The following FZD3 variants were observed in gnomAD, a reference collection of about 807,000 sequenced individuals.
FZD3 encodes frizzled class receptor 3, also known as frizzled-3.
Under a neutral mutation model 60.7 loss-of-function variants are expected in FZD3, and 30 were observed. The observed-to-expected ratio is 0.49, with a 90% CI of 0.37 to 0.67. The LOEUF (loss-of-function observed/expected upper bound fraction) is 0.67. Among genes scored for constraint, FZD3 ranks in the 30% least tolerant of loss-of-function variants. The pLI, the probability that FZD3 is intolerant of heterozygous loss-of-function variation, is 0.00. For synonymous variants in FZD3, 246 were observed against 275.2 expected (o/e 0.89, Z 1.05); for missense variants, 605 against 838.7 (o/e 0.72, Z 3.44).
chr8:28,567,875 AC>A lies in FZD3; in HGVS notation c.*4865del, dbSNP rs932271577. 1 of 152,186 alleles carries A rather than the reference AC, an allele frequency of 6.6e-6. No homozygotes were observed. Among genetic ancestry groups the A allele is most frequent in the Non-Finnish European group, 1.5e-5 (1 of 68,020 alleles). 9.4% of individuals were successfully genotyped at this position (152,186 alleles called of 1,614,324 possible). On this transcript the variant is annotated 3_prime_UTR_variant, in exon 8 of 8. Coordinates refer to ENST00000240093, the MANE Select transcript of FZD3 (RefSeq NM_017412.4). ...TCCTTTTATATGAAATTGTATAAGT[AC>A]ATTAGCTTGACTTAAATTATAAAAA...
intron 3 of FZD3, among the ~76,000 whole-genome samples, chr8:28,506,309 T>C (rs1024582911): frequency 6.6e-6 from 1 of 152,250 alleles, no homozygotes; most frequent in Admixed American, 6.5e-5. Flanking sequence ...ATTCTGTCAC[T>C]AACTAGGTTT....
At position 28,520,763 on chromosome 8, in the gene FZD3, G is replaced by T; in HGVS notation, c.315G>T (p.Arg105=). 6.2e-7 allele frequency: 1 copy of T among 1,611,786 alleles called. No homozygotes were observed. Among genetic ancestry groups the T allele is most frequent in the Non-Finnish European group, 8.5e-7 (1 of 1,178,740 alleles). Residue 105 remains arginine (R), a synonymous_variant, in exon 4 of 8, where the codon CGG becomes CGT. Transcript: ENST00000240093. ...VTLPCRRLCQ[R]AYSECSKLME... ...TTCCCTGTCGTAGGCTGTGTCAGCG[G>T]GCTTACAGTGAGTGTTCGAAGCTCA... is the stretch of plus-strand genomic sequence containing the variant.
In FZD3 at chr8:28,527,246, T is replaced by C. The variant is rs1585972160; in HGVS notation, c.486T>C (p.Gly162=). 6.2e-7 allele frequency: 1 copy of C among 1,612,556 alleles called. No individual in the cohort carries two copies. Among genetic ancestry groups the C allele is most frequent in the Admixed American group, 1.7e-5 (1 of 59,956 alleles). ...GAPVAVQRDY[G]FWCPRELKID... Reference sequence around the variant, plus strand: ...CAGTGGCAGTGCAGAGAGACTATGGTTTTTGGTGTCCCCGAGAGTTAAAAA... The same window carrying C: ...CAGTGGCAGTGCAGAGAGACTATGGCTTTTGGTGTCCCCGAGAGTTAAAAA... Residue 162 remains glycine (G), a synonymous_variant, in exon 5 of 8, where the codon GGT becomes GGC. Transcript: ENST00000240093. The surrounding 1 kb of genome is among the most constrained non-coding windows in gnomAD (Gnocchi z 5.0).
At chr8:28,517,929 TAA>T (rs1804474885) in intron 3 of FZD3, among the ~76,000 whole-genome samples, 1 of 152,242 alleles carries the variant, frequency 6.6e-6, no homozygotes, top group African/African-American at 2.4e-5. Flanking sequence ...AATTTTTTAC[TAA>T]GTGCTAGACG....
chr8:28,541,612 C>G (rs935450230), intron 5 of FZD3, among the ~76,000 whole-genome samples: 1 of 152,192 alleles, frequency 6.6e-6, no homozygotes, highest in African/African-American at 2.4e-5. Context: ...ATAATCTTAT[C>G]CAGTCCCATG....
At chr8:28,499,587 CTTT>C (rs905906926) in intron 1 of FZD3, among the ~76,000 whole-genome samples, 1 of 147,944 alleles carries the variant, frequency 6.8e-6, no homozygotes, top group Non-Finnish European at 1.5e-5. Flanking sequence ...TAAGTAGCCA[CTTT>C]TTTTTTTAAG....
At chr8:28,514,922 A>C (rs1284656792) in intron 3 of FZD3, among the ~76,000 whole-genome samples, 1 of 152,166 alleles carries the variant, frequency 6.6e-6, no homozygotes, top group African/African-American at 2.4e-5. Flanking sequence ...AGACCATTTT[A>C]CAGAAGAGGA....
At chr8:28,526,136 G>A (rs1235301925) in intron 4 of FZD3, among the ~76,000 whole-genome samples, 1 of 151,892 alleles carries the variant, frequency 6.6e-6, no homozygotes, top group Non-Finnish European at 1.5e-5. Context: ...ATTAGTATTG[G>A]GTAACATGGG....
Position 28,571,712 on chromosome 8 carries a change from C to T in FZD3, c.*8701C>T, listed in dbSNP as rs1464301839. 17 of 152,040 alleles carry T rather than the reference C, an allele frequency of 1.1e-4. No individual in the cohort carries two copies. In the East Asian group the frequency reaches 3.3e-3, roughly 29 times the overall value. 9.4% of individuals were successfully genotyped at this position (152,040 alleles called of 1,614,324 possible). On this transcript the variant is annotated 3_prime_UTR_variant, in exon 8 of 8. Coordinates refer to ENST00000240093, the MANE Select transcript of FZD3 (RefSeq NM_017412.4). ...TTCTCATTGAAGTGTAAAAGTATCA[C>T]ATATATGAAGGAATGGCTGGTTTAG...
At chr8:28,526,902 G>C (rs1396924935) in intron 4 of FZD3, among the ~76,000 whole-genome samples, 1 of 152,060 alleles carries the variant, frequency 6.6e-6, no homozygotes, top group East Asian at 1.9e-4. Flanking sequence ...ACACAACCTT[G>C]TTTTCTTTGT....
chr8:28,548,819 A>G (rs775663473), intron 5 of FZD3, among the ~76,000 whole-genome samples: 7 of 152,184 alleles, frequency 4.6e-5, no homozygotes, highest in Non-Finnish European at 8.8e-5. Flanking sequence ...TAAATCAAGG[A>G]GAATCTGCAT....
intron 5 of FZD3, among the ~76,000 whole-genome samples, chr8:28,537,706 A>G (rs867111607): frequency 3.9e-5 from 6 of 152,342 alleles, no homozygotes; most frequent in African/African-American, 1.4e-4. Context: ...TCATTCTTTT[A>G]TAACAGTGGT....
At chr8:28,521,393 A>G (rs1344816353) in intron 4 of FZD3, among the ~76,000 whole-genome samples, 1 of 152,060 alleles carries the variant, frequency 6.6e-6, no homozygotes, top group Non-Finnish European at 1.5e-5. Flanking sequence ...TTAATAATAT[A>G]CTATATTTAT....
rs553015944 is a variant in FZD3 at position 28,558,920 on chromosome 8, A to G, written c.1787+2949A>G. Among the ~76,000 whole-genome samples the G allele has an allele frequency of 4.5e-4, 69 of 152,358 alleles. 1 individual carries two copies. In the South Asian group the frequency reaches 0.013, roughly 29 times the overall value. Reference sequence around the variant, plus strand: ...GATGTAATTTATGCATTCTAGGAGCATATAACCTTATAGGAAAGATAAGAC... The same window carrying G: ...GATGTAATTTATGCATTCTAGGAGCGTATAACCTTATAGGAAAGATAAGAC... On this transcript the variant is annotated intron_variant, in intron 7 of 7. Coordinates refer to ENST00000240093, the MANE Select transcript of FZD3 (RefSeq NM_017412.4).
intron 3 of FZD3, among the ~76,000 whole-genome samples, 197 bp downstream of exon 3, chr8:28,503,399 C>G (rs924878311): frequency 6.6e-6 from 1 of 152,112 alleles, no homozygotes; most frequent in African/African-American, 2.4e-5. Context: ...GAATGTTACT[C>G]TTATATTTTA....
intron 3 of FZD3, among the ~76,000 whole-genome samples, chr8:28,511,415 G>A (rs965010284): frequency 1.6e-4 from 24 of 152,314 alleles, no homozygotes; most frequent in African/African-American, 5.8e-4. Context: ...GAACCGGGAG[G>A]CGGAGGTTGC....
chr8:28,536,383 A>C (rs1441892546), intron 5 of FZD3, among the ~76,000 whole-genome samples: 2 of 152,236 alleles, frequency 1.3e-5, no homozygotes, highest in African/African-American at 4.8e-5. Flanking sequence ...TGTCAAATTC[A>C]CATTACAGCC....
intron 2 of FZD3, among the ~76,000 whole-genome samples, chr8:28,501,251 A>G (rs1170229984): frequency 6.6e-6 from 1 of 152,218 alleles, no homozygotes; most frequent in African/African-American, 2.4e-5. Context: ...CTGTTAGTCA[A>G]GACCATCTAC....
At chr8:28,535,342 A>ATGTTATATCTTATGTTATATCACTATGTT (rs1804982192) in intron 5 of FZD3, among the ~76,000 whole-genome samples, 1 of 152,172 alleles carries the variant, frequency 6.6e-6, no homozygotes. Flanking sequence ...CCCTGTTATT[A>ATGTTATATCTTATGTTATATCACTATGTT]ATATCTTATA....
Sources: gnomAD v4.1 joint callset for allele counts (sites outside exome capture counted in the v4.1 genomes callset) on GRCh38, gnomAD v4.1.1 for gene constraint, Gnocchi (gnomAD v3.1) non-coding constraint, MANE v1.5 for transcripts, NCBI Gene and HGNC (gene_info 2026-07-23, HGNC 2026-07-21) for gene names.